The following DGLUCY variants were observed in gnomAD, a reference collection of about 807,000 sequenced individuals.
The protein encoded by DGLUCY is D-glutamate cyclase.
In DGLUCY, 58 loss-of-function variants were observed where a neutral mutation model predicts 58.5. That is an observed-to-expected ratio of 0.99 (90% CI 0.80 to 1.23). DGLUCY has a LOEUF of 1.23. Ranked by LOEUF, DGLUCY falls within the 50% of genes most tolerant of loss-of-function variation. The pLI is 0.00. For missense variants in DGLUCY, 779 were observed against 784.7 expected, an observed-to-expected ratio of 0.99 and a Z score of 0.09; for synonymous variants, 325 against 314.1, an observed-to-expected ratio of 1.03 and a Z score of -0.37.
At chr14:91,187,429 C>T (rs1431367954) in intron 8 of DGLUCY, among the ~76,000 whole-genome samples, 1 of 152,188 alleles carries the variant, frequency 6.6e-6, no homozygotes, top group Non-Finnish European at 1.5e-5. Flanking sequence ...CCTTCGCGTG[C>T]ACTGTTTTGC....
Position 91,176,061 on chromosome 14 carries a change from G to T in DGLUCY, c.730+5G>T, listed in dbSNP as rs757192393. The T allele has an allele frequency of 3.7e-6, 6 of 1,613,502 alleles. No homozygotes were observed. The highest frequency in any genetic ancestry group is 4.2e-6 in the Non-Finnish European group (5 of 1,179,696). On this transcript the variant is annotated splice_donor_5th_base_variant and intron_variant, in intron 7 of 13. Transcript: ENST00000256324. ...TCGGAGCTGTCAGCAGCTGTGGTACGTTGGGGGATAATGGGACAATCGATC... is the reference window on the plus strand; with the variant it reads ...TCGGAGCTGTCAGCAGCTGTGGTACTTTGGGGGATAATGGGACAATCGATC...
intron 1 of DGLUCY, among the ~76,000 whole-genome samples, chr14:91,076,302 T>C (rs2140037940): frequency 6.6e-6 from 1 of 152,306 alleles, no homozygotes; most frequent in Non-Finnish European, 1.5e-5. Context: ...TTTTACTCTA[T>C]GTATGAAATA....
intron 9 of DGLUCY, among the ~76,000 whole-genome samples, chr14:91,192,464 A>G (rs2049957772): frequency 6.6e-6 from 1 of 152,126 alleles, no homozygotes; most frequent in Admixed American, 6.6e-5. Flanking sequence ...CTACTGAACT[A>G]TACACTTGAA....
intron 1 of DGLUCY, among the ~76,000 whole-genome samples, chr14:91,138,638 G>A (rs1466636886): frequency 6.6e-6 from 1 of 152,184 alleles, no homozygotes; most frequent in Non-Finnish European, 1.5e-5. Context: ...ACCTCCACAA[G>A]GTGGCAGGAG....
intron 13 of DGLUCY, among the ~76,000 whole-genome samples, chr14:91,217,427 C>T (rs1886720524): frequency 6.6e-6 from 1 of 151,610 alleles, no homozygotes; most frequent in African/African-American, 2.4e-5. Context: ...AGTGGGCAGG[C>T]CCGATAGCCT....
intron 7 of DGLUCY, among the ~76,000 whole-genome samples, chr14:91,178,928 G>A (rs2049007101): frequency 6.6e-6 from 1 of 152,128 alleles, no homozygotes; most frequent in Admixed American, 6.6e-5. Flanking sequence ...CTACTTGGGA[G>A]GCTGAGAATT....
intron 1 of DGLUCY, among the ~76,000 whole-genome samples, chr14:91,117,762 C>T (rs2045072767): frequency 6.6e-6 from 1 of 151,978 alleles, no homozygotes; most frequent in Non-Finnish European, 1.5e-5. Flanking sequence ...GAACATGTGC[C>T]TGACATGGTT....
chr14:91,122,572 T>C (rs2045433540), intron 1 of DGLUCY, among the ~76,000 whole-genome samples: 1 of 151,904 alleles, frequency 6.6e-6, no homozygotes, highest in South Asian at 2.1e-4. Context: ...GTCAATGTTA[T>C]GTGTATTTTA....
At chr14:91,127,118 A>G (rs1237316232) in intron 1 of DGLUCY, among the ~76,000 whole-genome samples, 2 of 137,106 alleles carry the variant, frequency 1.5e-5, no homozygotes, top group Non-Finnish European at 3.0e-5. Context: ...GTGCAGTGGC[A>G]CAAGTATGGC....
Position 91,115,983 on chromosome 14 carries a change from GC to G in DGLUCY, c.-82+1701del, listed in dbSNP as rs560055158. Among the ~76,000 whole-genome samples the G allele has an allele frequency of 1.7e-3, 260 of 152,322 alleles. 1 individual carries two copies. Among genetic ancestry groups the G allele is most frequent in the African/African-American group, 5.9e-3 (246 of 41,570 alleles). ...TACCTGCCTGGTTCCTGTGGGCAATGCAGATTGCTGCTCCTTCTGGTTTGAT... is the reference window on the plus strand; with the variant it reads ...TACCTGCCTGGTTCCTGTGGGCAATGAGATTGCTGCTCCTTCTGGTTTGAT... On this transcript the variant is annotated intron_variant, in intron 1 of 13. Transcript: ENST00000256324.
chr14:91,145,104 G>C (rs867368312), intron 1 of DGLUCY: 1 of 152,192 alleles, frequency 6.6e-6, no homozygotes, highest in East Asian at 1.9e-4. Context: ...TGGGGGGTTA[G>C]AAAAGAAGGG....
At chr14:91,210,508 G>C (rs1014747259) in intron 12 of DGLUCY, among the ~76,000 whole-genome samples, 1 of 152,022 alleles carries the variant, frequency 6.6e-6, no homozygotes, top group East Asian at 1.9e-4. Context: ...TCCAGCCTTG[G>C]CAACAGAGTG....
chr14:91,157,325 G>A (rs2047717547), intron 1 of DGLUCY, among the ~76,000 whole-genome samples: 1 of 152,144 alleles, frequency 6.6e-6, no homozygotes, highest in East Asian at 1.9e-4. Context: ...ATGGATGGAT[G>A]GATGGATACA....
At chr14:91,173,183 A>T in intron 5 of DGLUCY, 106 bp from the exon 6 acceptor site, 421 of 731,402 alleles carry the variant, frequency 5.8e-4, no homozygotes, top group Non-Finnish European at 8.8e-4. Context: ...TATAACAGCT[A>T]CTCCTCCTTC....
At chr14:91,071,175 A>G (rs1185807180) in intron 1 of DGLUCY, among the ~76,000 whole-genome samples, 2 of 151,432 alleles carry the variant, frequency 1.3e-5, no homozygotes, top group Non-Finnish European at 2.9e-5. Context: ...TACTAAAAAT[A>G]CAAAAAAAAA....
rs531394648 is a variant in DGLUCY at position 91,178,897 on chromosome 14, G to A, written c.731-2289G>A. Among the ~76,000 whole-genome samples, 9 of 152,238 alleles carry A rather than the reference G, an allele frequency of 5.9e-5. No homozygotes were observed. In the South Asian group the frequency reaches 1.7e-3, roughly 28 times the overall value. ...AATACAAAAATTAGCCAGGCGTGATGGCACACACCTATAATCCCAGCTACT... is the reference window on the plus strand; with the variant it reads ...AATACAAAAATTAGCCAGGCGTGATAGCACACACCTATAATCCCAGCTACT... On this transcript the variant is annotated intron_variant, in intron 7 of 13. Transcript: ENST00000256324.
intron 1 of DGLUCY, among the ~76,000 whole-genome samples, chr14:91,065,590 G>A (rs1178208564): frequency 6.6e-6 from 1 of 152,016 alleles, no homozygotes; most frequent in Non-Finnish European, 1.5e-5. Context: ...CTGGACTTTG[G>A]GATTTTTTTT....
intron 1 of DGLUCY, among the ~76,000 whole-genome samples, chr14:91,129,369 A>G (rs1420725658): frequency 1.3e-5 from 2 of 151,916 alleles, no homozygotes; most frequent in African/African-American, 4.8e-5. Context: ...TCCTTTACAC[A>G]CATACCCTTA....
intron 7 of DGLUCY, among the ~76,000 whole-genome samples, chr14:91,179,751 C>CAAAAAA (rs200673413): frequency 1.5e-5 from 2 of 134,772 alleles, no homozygotes; most frequent in East Asian, 4.3e-4. Context: ...GTTCCGTCTC[C>CAAAAAA]AAAAAAAAAA....
Sources: gnomAD v4.1 joint callset for allele counts (sites outside exome capture counted in the v4.1 genomes callset) on GRCh38, gnomAD v4.1.1 for gene constraint, MANE v1.5 for transcripts, NCBI Gene and HGNC (gene_info 2026-07-23, HGNC 2026-07-21) for gene names.